H2BC13: variants seen among roughly 807,000 people sequenced by gnomAD.
The protein encoded by H2BC13 is H2B clustered histone 13.
H2BC13 carries 12 observed loss-of-function variants against 6.3 expected under a neutral mutation model. The observed-to-expected ratio is 1.90, with a 90% CI of 1.22 to 3.08. H2BC13 has a LOEUF of 3.08. Ranked by LOEUF, H2BC13 falls within the 30% of genes most tolerant of loss-of-function variation. The pLI, the probability that H2BC13 is intolerant of heterozygous loss-of-function variation, is 0.00. For missense variants in H2BC13, 164 were observed against 170.4 expected (o/e 0.96, Z 0.21); for synonymous variants, 109 against 74.3 (o/e 1.47, Z -2.40).
At position 27,807,671 on chromosome 6, in the gene H2BC13, G is replaced by C; in HGVS notation, c.236C>G (p.Ser79Cys). 1 of 1,614,250 alleles carries C rather than the reference G, an allele frequency of 6.2e-7. No homozygotes were observed. The highest frequency in any genetic ancestry group is 8.5e-7 in the Non-Finnish European group (1 of 1,180,042). Residue 79 changes from serine to cysteine, a missense_variant, in exon 1 of 1, where the codon TCC (serine) becomes TGC (cysteine). Transcript: ENST00000377401. ...GCGCTTGTTGTAGTGCGCCAGGCGG[G>C]AAGCCTCGCTTGCGATGCGCTCGAA... Reference protein sequence around the residue: ...DIFERIASEASRLAHYNKRST... With the variant: ...DIFERIASEACRLAHYNKRST...
rs754138290 is a variant in H2BC13 at position 27,807,886 on chromosome 6, A to C, written c.21T>G (p.Ser7=). The C allele has an allele frequency of 6.2e-7, 1 of 1,614,162 alleles. No individual in the cohort carries two copies. Among genetic ancestry groups the C allele is most frequent in the Non-Finnish European group, 8.5e-7 (1 of 1,180,032 alleles). The change falls in exon 1 of 1, where the codon TCT becomes TCG. Residue 7 remains serine, a synonymous_variant. Coordinates refer to ENST00000377401, the MANE Select transcript of H2BC13 (RefSeq NM_003519.4). Reference sequence around the variant, plus strand: ...TGGAGCCCTTCTTCGGGGCGGGAGCAGACTTGGCCAGCTCGGGCATAATGA... The same window carrying C: ...TGGAGCCCTTCTTCGGGGCGGGAGCCGACTTGGCCAGCTCGGGCATAATGA... MPELAK[S]APAPKKGSKK...
At position 27,807,682 on chromosome 6, in the gene H2BC13, T is replaced by G. The variant is rs778873463; in HGVS notation, c.225A>C (p.Ala75=). ...AGTGCGCCAGGCGGGAAGCCTCGCTTGCGATGCGCTCGAAGATGTCGTTGA... is the reference window on the plus strand; with the variant it reads ...AGTGCGCCAGGCGGGAAGCCTCGCTGGCGATGCGCTCGAAGATGTCGTTGA... ...SFVNDIFERI[A]SEASRLAHYN... is the part of the protein sequence containing the mutation. Residue 75 remains alanine, a synonymous_variant, in exon 1 of 1, where the codon GCA becomes GCC. Coordinates refer to ENST00000377401, the MANE Select transcript of H2BC13 (RefSeq NM_003519.4). 4.3e-6 allele frequency: 7 copies of G among 1,614,104 alleles called. No homozygotes were observed. The Admixed American group carries it at 1.0e-4, about 23-fold the overall frequency.
At position 27,807,907 on chromosome 6, in the gene H2BC13, A is replaced by G. The variant is rs761369367; in HGVS notation, c.-1T>C. 2.4e-5 allele frequency: 39 copies of G among 1,613,906 alleles called. No individual in the cohort carries two copies. The highest frequency in any genetic ancestry group is 3.0e-5 in the Non-Finnish European group (35 of 1,179,952). On this transcript the variant is annotated 5_prime_UTR_variant, in exon 1 of 1. Transcript: ENST00000377401. ...GAGCAGACTTGGCCAGCTCGGGCAT[A>G]ATGAAACAATAGTGGCAAAACCAAA...
Position 27,807,811 on chromosome 6 carries a change from G to A in H2BC13, c.96C>T (p.Arg32=). 6.2e-7 allele frequency: 1 copy of A among 1,614,240 alleles called. No homozygotes were observed. The highest frequency in any genetic ancestry group is 8.5e-7 in the Non-Finnish European group (1 of 1,180,050). Reference sequence around the variant, plus strand: ...ACACGGAGTAGCTCTCCTTGCGGCTGCGCTTGCGCTTCTTGCCATCCTTCT... The same window carrying A: ...ACACGGAGTAGCTCTCCTTGCGGCTACGCTTGCGCTTCTTGCCATCCTTCT... ...AQKKDGKKRK[R]SRKESYSVYV... The change falls in exon 1 of 1, where the codon CGC becomes CGT. Residue 32 remains arginine (R), a synonymous_variant. Coordinates refer to ENST00000377401, the MANE Select transcript of H2BC13 (RefSeq NM_003519.4).
At position 27,807,832 on chromosome 6, in the gene H2BC13, C is replaced by A; in HGVS notation, c.75G>T (p.Lys25Asn). 6.2e-7 allele frequency: 1 copy of A among 1,614,176 alleles called. No individual in the cohort carries two copies. Among genetic ancestry groups the A allele is most frequent in the Non-Finnish European group, 8.5e-7 (1 of 1,179,976 alleles). The change falls in exon 1 of 1, where the codon AAG becomes AAT. Residue 25 changes from lysine (K) to asparagine (N), a missense_variant. By Grantham distance (94) the Lys-to-Asn change is moderately conservative. Transcript: ENST00000377401. ...GGCTGCGCTTGCGCTTCTTGCCATCCTTCTTCTGGGCCTTGGTCACCGCCT... is the reference window on the plus strand; with the variant it reads ...GGCTGCGCTTGCGCTTCTTGCCATCATTCTTCTGGGCCTTGGTCACCGCCT... ...SKKAVTKAQK[K>N]DGKKRKRSRK...
Position 27,807,618 on chromosome 6 carries a change from T to C in H2BC13, c.289A>G (p.Thr97Ala). 1 of 1,614,098 alleles carries C rather than the reference T, an allele frequency of 6.2e-7. No homozygotes were observed. The highest frequency in any genetic ancestry group is 8.5e-7 in the Non-Finnish European group (1 of 1,180,010). Residue 97 changes from threonine to alanine, a missense_variant, in exon 1 of 1, where the codon ACC (threonine) becomes GCC (alanine). Thr to Ala is a moderately conservative substitution (Grantham distance 58). Coordinates refer to ENST00000377401, the MANE Select transcript of H2BC13 (RefSeq NM_003519.4). ...CCCGGAAGCAGCAGGCGCACGGCGG[T>C]CTGGATCTCCCTGGAGGTGATGGTC... Reference protein sequence around the residue: ...RSTITSREIQTAVRLLLPGEL... With the variant: ...RSTITSREIQAAVRLLLPGEL...
chr6:27,807,918 A>AT lies in H2BC13; in HGVS notation c.-13_-12insA, dbSNP rs764424803. On this transcript the variant is annotated 5_prime_UTR_variant, in exon 1 of 1. Transcript: ENST00000377401. ...GCCAGCTCGGGCATAATGAAACAAT[A>AT]GTGGCAAAACCAAAACAAGAAGTCG... 166 of 1,613,162 alleles carry AT rather than the reference A, an allele frequency of 1.0e-4. No homozygotes were observed. The highest frequency in any genetic ancestry group is 3.2e-4 in the Admixed American group (19 of 59,712).
rs371492098 is a variant in H2BC13 at position 27,807,760 on chromosome 6, G to T, written c.147C>A (p.Val49=). 100 of 1,614,106 alleles carry T rather than the reference G, an allele frequency of 6.2e-5. No individual in the cohort carries two copies. Among genetic ancestry groups the T allele is most frequent in the Non-Finnish European group, 7.6e-5 (90 of 1,180,056 alleles). The change falls in exon 1 of 1, where the codon GTC becomes GTA. Residue 49 remains valine, a synonymous_variant. Coordinates refer to ENST00000377401, the MANE Select transcript of H2BC13 (RefSeq NM_003519.4). ...TAGAAGAGATGCCGGTGTCGGGGTG[G>T]ACCTGCTTCAGCACCTTGTACACGT... is the stretch of plus-strand genomic sequence containing the variant. The part of the protein sequence containing the change: ...SVYVYKVLKQ[V]HPDTGISSKA...
chr6:27,807,794 T>C lies in H2BC13; in HGVS notation c.113A>G (p.Tyr38Cys), dbSNP rs774693408. 1 of 1,614,046 alleles carries C rather than the reference T, an allele frequency of 6.2e-7. No individual in the cohort carries two copies. Among genetic ancestry groups the C allele is most frequent in the South Asian group, 1.1e-5 (1 of 91,082 alleles). The change falls in exon 1 of 1, where the codon TAC becomes TGC. Residue 38 changes from tyrosine (Y) to cysteine (C), a missense_variant. Coordinates refer to ENST00000377401, the MANE Select transcript of H2BC13 (RefSeq NM_003519.4). ...KKRKRSRKESYSVYVYKVLKQ... is the reference protein window; with the variant it reads ...KKRKRSRKESCSVYVYKVLKQ... Reference sequence around the variant, plus strand: ...CAGCACCTTGTACACGTACACGGAGTAGCTCTCCTTGCGGCTGCGCTTGCG... The same window carrying C: ...CAGCACCTTGTACACGTACACGGAGCAGCTCTCCTTGCGGCTGCGCTTGCG...
At position 27,807,784 on chromosome 6, in the gene H2BC13, G is replaced by C; in HGVS notation, c.123C>G (p.Tyr41Ter). Residue 41 changes from tyrosine (Y) to a stop codon, truncating the protein, a stop_gained, in exon 1 of 1, where the codon TAC becomes TAG. Coordinates refer to ENST00000377401, the MANE Select transcript of H2BC13 (RefSeq NM_003519.4). LOFTEE classifies it high-confidence loss of function. The stretch of plus-strand genomic sequence containing the variant: ...GGACCTGCTTCAGCACCTTGTACAC[G>C]TACACGGAGTAGCTCTCCTTGCGGC... The part of the protein sequence containing the change: ...KRSRKESYSV[Y>*]VYKVLKQVHP... 1 of 1,614,210 alleles carries C rather than the reference G, an allele frequency of 6.2e-7. No homozygotes were observed. Among genetic ancestry groups the C allele is most frequent in the South Asian group, 1.1e-5 (1 of 91,086 alleles).
At position 27,807,594 on chromosome 6, in the gene H2BC13, C is replaced by T. The variant is rs1403012315; in HGVS notation, c.313G>A (p.Gly105Arg). ...GACACCGCGTGCTTGGCCAGCTCCCCCGGAAGCAGCAGGCGCACGGCGGTC... is the reference window on the plus strand; with the variant it reads ...GACACCGCGTGCTTGGCCAGCTCCCTCGGAAGCAGCAGGCGCACGGCGGTC... ...IQTAVRLLLP[G>R]ELAKHAVSEG... The change falls in exon 1 of 1, where the codon GGG (glycine) becomes AGG (arginine). Residue 105 changes from glycine (G) to arginine (R), a missense_variant. By Grantham distance (125) the Gly-to-Arg change is moderately radical. Transcript: ENST00000377401. 1 of 1,614,194 alleles carries T rather than the reference C, an allele frequency of 6.2e-7. No homozygotes were observed. Among genetic ancestry groups the T allele is most frequent in the Non-Finnish European group, 8.5e-7 (1 of 1,180,040 alleles).
rs141737247 is a variant in H2BC13 at position 27,807,693 on chromosome 6, C to T, written c.214G>A (p.Glu72Lys). The T allele has an allele frequency of 7.4e-6, 12 of 1,614,196 alleles. No individual in the cohort carries two copies. Among genetic ancestry groups the T allele is most frequent in the Non-Finnish European group, 8.5e-6 (10 of 1,180,038 alleles). The change falls in exon 1 of 1, where the codon GAG becomes AAG. Residue 72 changes from glutamate (E) to lysine (K), a missense_variant. Transcript: ENST00000377401. Reference sequence around the variant, plus strand: ...CGGGAAGCCTCGCTTGCGATGCGCTCGAAGATGTCGTTGACGAAGGAGTTC... The same window carrying T: ...CGGGAAGCCTCGCTTGCGATGCGCTTGAAGATGTCGTTGACGAAGGAGTTC... ...IMNSFVNDIF[E>K]RIASEASRLA... is the part of the protein sequence containing the mutation.
rs1760463972 is a variant in H2BC13, at chr6:27,807,717, T to G, written c.190A>C (p.Asn64His). ...TCGAAGATGTCGTTGACGAAGGAGT[T>G]CATGATTCCCATGGCCTTAGAAGAG... ...GISSKAMGIMNSFVNDIFERI... is the reference protein window; with the variant it reads ...GISSKAMGIMHSFVNDIFERI... The change falls in exon 1 of 1, where the codon AAC becomes CAC. Residue 64 changes from asparagine to histidine, a missense_variant. Transcript: ENST00000377401. 6.2e-7 allele frequency: 1 copy of G among 1,614,068 alleles called. No homozygotes were observed. Among genetic ancestry groups the G allele is most frequent in the Non-Finnish European group, 8.5e-7 (1 of 1,180,026 alleles).
chr6:27,807,762 C>T lies in H2BC13; in HGVS notation c.145G>A (p.Val49Ile). 1 of 1,614,198 alleles carries T rather than the reference C, an allele frequency of 6.2e-7. No homozygotes were observed. Among genetic ancestry groups the T allele is most frequent in the Non-Finnish European group, 8.5e-7 (1 of 1,180,052 alleles). Residue 49 changes from valine (V) to isoleucine (I), a missense_variant, in exon 1 of 1, where the codon GTC becomes ATC. Val to Ile is a conservative substitution (Grantham distance 29). Transcript: ENST00000377401. The part of the protein sequence containing the change: ...SVYVYKVLKQ[V>I]HPDTGISSKA... ...GAAGAGATGCCGGTGTCGGGGTGGA[C>T]CTGCTTCAGCACCTTGTACACGTAC...
rs1229258481 is a variant in H2BC13, at chr6:27,807,879, C to A, written c.28G>T (p.Ala10Ser). The A allele has an allele frequency of 1.1e-5, 17 of 1,614,138 alleles. No individual in the cohort carries two copies. Among genetic ancestry groups the A allele is most frequent in the Non-Finnish European group, 1.4e-5 (16 of 1,180,034 alleles). The change falls in exon 1 of 1, where the codon GCC (alanine) becomes TCC (serine). Residue 10 changes from alanine (A) to serine (S), a missense_variant. Ala to Ser is a moderately conservative substitution (Grantham distance 99). Transcript: ENST00000377401. MPELAKSAPAPKKGSKKAVT... is the reference protein window; with the variant it reads MPELAKSAPSPKKGSKKAVT... The stretch of plus-strand genomic sequence containing the variant: ...GCCTTCTTGGAGCCCTTCTTCGGGG[C>A]GGGAGCAGACTTGGCCAGCTCGGGC...
chr6:27,807,565 C>T lies in H2BC13; in HGVS notation c.342G>A (p.Glu114=), dbSNP rs370037319. 1.7e-4 allele frequency: 278 copies of T among 1,614,074 alleles called. No homozygotes were observed. Among genetic ancestry groups the T allele is most frequent in the Non-Finnish European group, 2.0e-4 (240 of 1,180,040 alleles). The change falls in exon 1 of 1, where the codon GAG becomes GAA. Residue 114 remains glutamate, a synonymous_variant. Transcript: ENST00000377401. The part of the protein sequence containing the change: ...PGELAKHAVS[E]GTKAVTKYTS... The stretch of plus-strand genomic sequence containing the variant: ...TGTACTTGGTGACGGCCTTGGTGCC[C>T]TCCGACACCGCGTGCTTGGCCAGCT...
Position 27,807,591 on chromosome 6 carries a change from C to A in H2BC13, c.316G>T (p.Glu106Ter), listed in dbSNP as rs1170378777. The A allele has an allele frequency of 1.9e-6, 3 of 1,614,090 alleles. No homozygotes were observed. The highest frequency in any genetic ancestry group is 2.2e-5 in the South Asian group (2 of 91,088). Residue 106 changes from glutamate (E) to a stop codon, truncating the protein, a stop_gained, in exon 1 of 1, where the codon GAG (glutamate) becomes TAG (stop). Coordinates refer to ENST00000377401, the MANE Select transcript of H2BC13 (RefSeq NM_003519.4). LOFTEE classifies it high-confidence loss of function. ...QTAVRLLLPG[E>*]LAKHAVSEGT... is the part of the protein sequence containing the mutation. Reference sequence around the variant, plus strand: ...TCCGACACCGCGTGCTTGGCCAGCTCCCCCGGAAGCAGCAGGCGCACGGCG... The same window carrying A: ...TCCGACACCGCGTGCTTGGCCAGCTACCCCGGAAGCAGCAGGCGCACGGCG...
chr6:27,807,872 T>A lies in H2BC13; in HGVS notation c.35A>T (p.Lys12Met). The A allele has an allele frequency of 6.2e-7, 1 of 1,614,210 alleles. No individual in the cohort carries two copies. The highest frequency in any genetic ancestry group is 2.2e-5 in the East Asian group (1 of 44,876). Reference protein sequence around the residue: ...PELAKSAPAPKKGSKKAVTKA... With the variant: ...PELAKSAPAPMKGSKKAVTKA... ...GGTCACCGCCTTCTTGGAGCCCTTC[T>A]TCGGGGCGGGAGCAGACTTGGCCAG... is the stretch of plus-strand genomic sequence containing the variant. The change falls in exon 1 of 1, where the codon AAG becomes ATG. Residue 12 changes from lysine to methionine, a missense_variant. By Grantham distance (95) the Lys-to-Met change is moderately conservative. Transcript: ENST00000377401.
rs1346990520 is a variant in H2BC13, at chr6:27,807,516, G to T, written c.*10C>A. On this transcript the variant is annotated 3_prime_UTR_variant, in exon 1 of 1. Transcript: ENST00000377401. ...AAAAGAGCCTTTGGGTTGGACAAGA[G>T]CTTGAGAATTTACTTGGAGCTGGTG... 1 of 1,613,582 alleles carries T rather than the reference G, an allele frequency of 6.2e-7. No homozygotes were observed. The highest frequency in any genetic ancestry group is 1.1e-5 in the South Asian group (1 of 91,052).
Sources: allele counts gnomAD v4.1 joint callset, GRCh38; gene constraint gnomAD v4.1.1; transcripts MANE v1.5; gene names NCBI Gene and HGNC (gene_info 2026-07-23, HGNC 2026-07-21).